Variants in LINGO2 observed in about 807,000 individuals in gnomAD.
LINGO2 encodes leucine rich repeat and Ig domain containing 2, also known as leucine-rich repeat and immunoglobulin-like domain-containing nogo receptor-interacting protein 2.
Under a neutral mutation model 30.6 loss-of-function variants are expected in LINGO2, and 14 were observed. The observed-to-expected ratio is 0.46, with a 90% CI of 0.30 to 0.72. The LOEUF (loss-of-function observed/expected upper bound fraction) is 0.72, where lower values mean the gene tolerates loss of function less well. LINGO2 is among the 30% of genes least tolerant of loss of function. The pLI is 0.07. For synonymous variants in LINGO2, 317 were observed against 288.5 expected (o/e 1.10, Z -1.00); for missense variants, 729 against 751.7 (o/e 0.97, Z 0.35).
At chr9:27,964,672 T>C (rs1262788571) in intron 5 of LINGO2, among the ~76,000 whole-genome samples, 3 of 152,120 alleles carry the variant, frequency 2.0e-5, no homozygotes, top group Non-Finnish European at 2.9e-5. Context: ...TAATTGGAAC[T>C]GTGCTATAGA....
At chr9:28,572,518 C>T (rs997768249) in intron 1 of LINGO2, among the ~76,000 whole-genome samples, 2 of 152,016 alleles carry the variant, frequency 1.3e-5, no homozygotes, top group African/African-American at 2.4e-5. Flanking sequence ...ACAACAAGGC[C>T]GCTCTTCATG....
chr9:28,852,752 T>A, the LINGO2 span, among the ~76,000 whole-genome samples: 1 of 152,206 alleles, frequency 6.6e-6, no homozygotes, highest in African/African-American at 2.4e-5. Flanking sequence ...ACCAGTTGTC[T>A]AACTTTTCCT....
intron 3 of LINGO2, among the ~76,000 whole-genome samples, chr9:28,330,145 CA>C (rs1403966154): frequency 6.6e-6 from 1 of 152,142 alleles, no homozygotes; most frequent in Non-Finnish European, 1.5e-5. Context: ...TTCTCATCCA[CA>C]CAGAGATAAG....
the LINGO2 span, among the ~76,000 whole-genome samples, chr9:29,001,641 A>T: frequency 9.9e-5 from 15 of 152,136 alleles, no homozygotes; most frequent in South Asian, 2.5e-3. Context: ...TTGGTGCAAA[A>T]GTAATTGCAG....
At chr9:28,244,085 TC>T (rs200098177) in intron 4 of LINGO2, among the ~76,000 whole-genome samples, 20,844 of 152,052 alleles carry the variant, frequency 0.14, 1,616 homozygotes, top group African/African-American at 0.21. Context: ...AGTAAAACAC[TC>T]CTCAGCAAAC....
At chr9:28,643,122 TCTACA>T (rs1563887676) in intron 1 of LINGO2, among the ~76,000 whole-genome samples, 1 of 151,972 alleles carries the variant, frequency 6.6e-6, no homozygotes, top group Non-Finnish European at 1.5e-5. Context: ...CCCAAAGCAA[TCTACA>T]GATTTAATGT....
At chr9:28,430,116 G>A (rs952256939) in intron 2 of LINGO2, among the ~76,000 whole-genome samples, 1 of 99,196 alleles carries the variant, frequency 1.0e-5, no homozygotes, top group Non-Finnish European at 2.0e-5. Flanking sequence ...GCGCGTGTGT[G>A]TGTGTGTGTG....
At chr9:29,063,096 G>GT in the LINGO2 span, among the ~76,000 whole-genome samples, 3 of 151,986 alleles carry the variant, frequency 2.0e-5, no homozygotes, top group African/African-American at 7.2e-5. Context: ...AAATAGAAAG[G>GT]TTTTTTGTTT....
chr9:28,320,648 C>T (rs1825006469), intron 3 of LINGO2, among the ~76,000 whole-genome samples: 3 of 152,168 alleles, frequency 2.0e-5, no homozygotes, highest in Non-Finnish European at 2.9e-5. Context: ...AAGACAGAGG[C>T]AGTACTATAT....
At chr9:28,470,774 A>G (rs112156941) in intron 2 of LINGO2, among the ~76,000 whole-genome samples, 24 of 152,018 alleles carry the variant, frequency 1.6e-4, no homozygotes, top group African/African-American at 5.8e-4. Flanking sequence ...GAAAAGTCAA[A>G]GTTGAAAAAA....
At chr9:28,693,249 T>C in the LINGO2 span, among the ~76,000 whole-genome samples, 12 of 152,258 alleles carry the variant, frequency 7.9e-5, no homozygotes, top group Admixed American at 7.2e-4. Flanking sequence ...ATTTTAAACA[T>C]ACGAAATGAT....
intron 4 of LINGO2, among the ~76,000 whole-genome samples, chr9:28,209,328 G>C (rs189083154): frequency 8.2e-4 from 124 of 151,956 alleles, no homozygotes; most frequent in African/African-American, 2.9e-3. Context: ...CATTCATTCT[G>C]TCTCCATTGG....
intron 1 of LINGO2, among the ~76,000 whole-genome samples, chr9:28,496,873 A>G (rs548980016): frequency 3.9e-5 from 6 of 152,060 alleles, no homozygotes; most frequent in Non-Finnish European, 5.9e-5. Flanking sequence ...AAATCTCTCA[A>G]CATTTGCTTG....
intron 3 of LINGO2, among the ~76,000 whole-genome samples, chr9:28,353,879 C>G (rs1166916860): frequency 2.0e-5 from 3 of 152,096 alleles, no homozygotes; most frequent in African/African-American, 7.2e-5. Flanking sequence ...TGGAAATCAT[C>G]ATTCTCAGTA....
intron 4 of LINGO2, among the ~76,000 whole-genome samples, chr9:28,156,138 T>G (rs1007249282): frequency 2.0e-5 from 3 of 152,236 alleles, no homozygotes; most frequent in African/African-American, 7.2e-5. Flanking sequence ...GGATTCTATC[T>G]TTGTTTTCTG....
At chr9:27,991,415 G>T (rs1930012) in intron 5 of LINGO2, among the ~76,000 whole-genome samples, 1 of 151,956 alleles carries the variant, frequency 6.6e-6, no homozygotes, top group South Asian at 2.1e-4. Flanking sequence ...ATAAGCCCTG[G>T]CAATCTGTGT....
At chr9:28,915,305 C>G in the LINGO2 span, among the ~76,000 whole-genome samples, 3 of 152,116 alleles carry the variant, frequency 2.0e-5, no homozygotes, top group Non-Finnish European at 2.9e-5. Flanking sequence ...AAGAAAGGCA[C>G]GGGTTCTCAA....
chr9:28,174,778 C>G (rs1029512626), intron 4 of LINGO2, among the ~76,000 whole-genome samples: 3 of 152,054 alleles, frequency 2.0e-5, no homozygotes, highest in Non-Finnish European at 4.4e-5. Flanking sequence ...TACATCGAAT[C>G]CAGTGCCTGC....
intron 1 of LINGO2, among the ~76,000 whole-genome samples, chr9:28,564,610 T>C (rs1823269644): frequency 6.6e-6 from 1 of 152,142 alleles, no homozygotes; most frequent in South Asian, 2.1e-4. Flanking sequence ...TCACCACTGC[T>C]GTCACACATG....
Sources: gnomAD v4.1 joint callset for allele counts (sites outside exome capture counted in the v4.1 genomes callset) on GRCh38, gnomAD v4.1.1 for gene constraint, MANE v1.5 for transcripts, NCBI Gene and HGNC (gene_info 2026-07-23, HGNC 2026-07-21) for gene names.